The following CACNA1A variants were observed in gnomAD, a reference collection of about 807,000 sequenced individuals.
The protein encoded by CACNA1A is calcium voltage-gated channel subunit alpha1 A.
Under a neutral mutation model 262.4 loss-of-function variants are expected in CACNA1A, and 57 were observed. The observed-to-expected ratio is 0.22, with a 90% CI of 0.18 to 0.27. The LOEUF (loss-of-function observed/expected upper bound fraction) is 0.27, where lower values mean the gene tolerates loss of function less well. Among genes scored for constraint, CACNA1A ranks in the 10% least tolerant of loss-of-function variants. The pLI is 1.00. For synonymous variants in CACNA1A, 1,431 were observed against 1,419.3 expected (o/e 1.01, Z -0.18); for missense variants, 2,526 against 3,562.8 (o/e 0.71, Z 7.41).
chr19:13,366,743 AT>A (rs36014393), intron 4 of CACNA1A, among the ~76,000 whole-genome samples: 18 of 150,856 alleles, frequency 1.2e-4, no homozygotes, highest in African/African-American at 3.9e-4. Context: ...CATTTTCTTA[AT>A]TTTTTTTTTC....
At chr19:13,285,035 G>A in intron 21 of CACNA1A, 33 bp downstream of exon 21, 2 of 1,611,816 alleles carry the variant, frequency 1.2e-6, no homozygotes, top group Non-Finnish European at 1.7e-6. Context: ...GGAGCCCCAG[G>A]CCCCCCCTGC....
chr19:13,240,707 A>C (rs1193687170), intron 31 of CACNA1A, among the ~76,000 whole-genome samples: 1 of 145,266 alleles, frequency 6.9e-6, no homozygotes. Context: ...CTGTGTGTGC[A>C]TAGTGACTGT....
At chr19:13,454,435 A>T (rs908767116) in intron 2 of CACNA1A, among the ~76,000 whole-genome samples, 11 of 151,554 alleles carry the variant, frequency 7.3e-5, no homozygotes, top group Middle Eastern at 3.4e-3. Context: ...CAATGGTGCG[A>T]TCTTGGCTTA....
intron 6 of CACNA1A, among the ~76,000 whole-genome samples, chr19:13,358,870 T>C (rs1304098955): frequency 6.6e-6 from 1 of 152,214 alleles, no homozygotes; most frequent in South Asian, 2.1e-4. Flanking sequence ...ATATCTGCAC[T>C]GGGTCAAGGT....
chr19:13,414,165 G>T (rs1027439443), intron 3 of CACNA1A, among the ~76,000 whole-genome samples: 5 of 152,000 alleles, frequency 3.3e-5, no homozygotes, highest in Non-Finnish European at 5.9e-5. Context: ...AATTGAAACT[G>T]CAATGAACTT....
intron 1 of CACNA1A, among the ~76,000 whole-genome samples, chr19:13,481,784 C>T (rs958250706): frequency 2.2e-4 from 33 of 152,212 alleles, no homozygotes; most frequent in African/African-American, 7.7e-4. Flanking sequence ...TCCCTGGACC[C>T]AGCCTGAGGG....
intron 6 of CACNA1A, among the ~76,000 whole-genome samples, chr19:13,348,609 G>C (rs549664502): frequency 1.3e-5 from 2 of 152,148 alleles, no homozygotes; most frequent in Admixed American, 1.3e-4. Context: ...AGGCCAAGGC[G>C]GGCGAATCAT....
intron 17 of CACNA1A, among the ~76,000 whole-genome samples, chr19:13,301,829 T>G (rs2057795215): frequency 6.6e-6 from 1 of 152,198 alleles, no homozygotes; most frequent in Admixed American, 6.5e-5. Context: ...ATCAGGACAC[T>G]GTCAGAGACA....
intron 6 of CACNA1A, among the ~76,000 whole-genome samples, chr19:13,345,953 T>C (rs1225048884): frequency 1.4e-5 from 2 of 141,488 alleles, no homozygotes; most frequent in African/African-American, 5.5e-5. Context: ...TAGGCTGGAG[T>C]GCAGTGGGGT....
Position 13,474,773 on chromosome 19 carries a change from C to G in CACNA1A, c.294-19561G>C, listed in dbSNP as rs1168518743. On this transcript the variant is annotated intron_variant, in intron 1 of 46. Coordinates refer to ENST00000360228, the MANE Select transcript of CACNA1A (RefSeq NM_001127222.2). ...CAGAGGTTGCAGTGAGCCAACATCA[C>G]ACCACTGCACTCCAGCCTGGGCAAC... is the stretch of plus-strand genomic sequence containing the variant. Among the ~76,000 whole-genome samples the G allele has an allele frequency of 2.6e-5, 4 of 151,176 alleles. No individual in the cohort carries two copies. In the East Asian group the frequency reaches 7.8e-4, roughly 29 times the overall value.
chr19:13,505,278 C>T (rs1279042027), intron 1 of CACNA1A, among the ~76,000 whole-genome samples: 1 of 152,176 alleles, frequency 6.6e-6, no homozygotes, highest in East Asian at 1.9e-4. Context: ...CGCCCCCCAG[C>T]CCATCACTAT....
At chr19:13,312,576 G>A in intron 12 of CACNA1A, 93 bp downstream of exon 12, 1 of 719,250 alleles carries the variant, frequency 1.4e-6, no homozygotes, top group East Asian at 2.9e-5. Flanking sequence ...CATATTCAGG[G>A]GTGACTTTAC....
intron 1 of CACNA1A, among the ~76,000 whole-genome samples, chr19:13,493,655 C>A (rs1181155385): frequency 6.6e-6 from 1 of 152,208 alleles, no homozygotes; most frequent in African/African-American, 2.4e-5. Context: ...GTGGTAACAG[C>A]AGAGTTTCAA....
chr19:13,275,831 C>A lies in CACNA1A; in HGVS notation c.3989+19G>T. 6.5e-7 allele frequency: 1 copy of A among 1,538,576 alleles called. No individual in the cohort carries two copies. The highest frequency in any genetic ancestry group is 9.0e-7 in the Non-Finnish European group (1 of 1,111,560). Reference sequence around the variant, plus strand: ...GTTGGGGGAAAAGAGGCAAGAGGAACCCTTGCGAGGAGACTTACGTGAAGG... The same window carrying A: ...GTTGGGGGAAAAGAGGCAAGAGGAAACCTTGCGAGGAGACTTACGTGAAGG... On this transcript the variant is annotated intron_variant, in intron 24 of 46. Coordinates refer to ENST00000360228, the MANE Select transcript of CACNA1A (RefSeq NM_001127222.2).
At chr19:13,262,031 G>C (rs1183297662) in intron 25 of CACNA1A, 2 of 164,016 alleles carry the variant, frequency 1.2e-5, no homozygotes, top group Non-Finnish European at 2.7e-5. Flanking sequence ...CCTTAGGCAG[G>C]CAGCCATATT....
intron 4 of CACNA1A, among the ~76,000 whole-genome samples, chr19:13,367,279 A>G (rs1364376358): frequency 7.6e-6 from 1 of 131,456 alleles, no homozygotes; most frequent in East Asian, 2.3e-4. Context: ...TGGGTGACAG[A>G]GCAAGACTCT....
intron 36 of CACNA1A, 103 bp downstream of exon 36, chr19:13,229,979 C>T (rs1227313221): frequency 7.4e-7 from 1 of 1,344,390 alleles, no homozygotes; most frequent in African/African-American, 1.4e-5. Flanking sequence ...CTGCTAGGAC[C>T]CCAGGAGTTC....
chr19:13,429,535 A>G (rs2060468252), intron 3 of CACNA1A, among the ~76,000 whole-genome samples: 1 of 151,020 alleles, frequency 6.6e-6, no homozygotes, highest in African/African-American at 2.4e-5. Context: ...AGCGTCCAAA[A>G]AAAAAAAAAA....
At chr19:13,497,031 C>G (rs1981615452) in intron 1 of CACNA1A, among the ~76,000 whole-genome samples, 1 of 152,074 alleles carries the variant, frequency 6.6e-6, no homozygotes, top group Admixed American at 6.6e-5. Flanking sequence ...GATTTGAACC[C>G]CAGCCACCTA....
Sources: allele counts gnomAD v4.1 joint callset (sites outside exome capture counted in the v4.1 genomes callset), GRCh38; gene constraint gnomAD v4.1.1; transcripts MANE v1.5; gene names NCBI Gene and HGNC (gene_info 2026-07-23, HGNC 2026-07-21).